Variants in PTPRD observed in about 807,000 individuals in gnomAD.
PTPRD encodes receptor-type tyrosine-protein phosphatase delta.
In PTPRD, 34 loss-of-function variants were observed where a neutral mutation model predicts 214.5. The ratio of observed to expected loss-of-function variants is 0.16; its 90% CI spans 0.12 to 0.21. PTPRD has a LOEUF of 0.21. Among genes scored for constraint, PTPRD ranks in the 10% least tolerant of loss-of-function variants. The pLI is 1.00. For synonymous variants in PTPRD, 1,128 were observed against 845.7 expected, an observed-to-expected ratio of 1.33 and a Z score of -5.79; for missense variants, 2,545 against 2,398.7, an observed-to-expected ratio of 1.06 and a Z score of -1.27.
intron 10 of PTPRD, among the ~76,000 whole-genome samples, chr9:9,030,893 C>A (rs1007223624): frequency 9.2e-5 from 14 of 151,840 alleles, no homozygotes; most frequent in Admixed American, 7.9e-4. Flanking sequence ...ACCTTAGATT[C>A]ATTCATATGG....
intron 2 of PTPRD, among the ~76,000 whole-genome samples, chr9:10,393,261 GA>G (rs1451305835): frequency 2.0e-5 from 3 of 151,594 alleles, no homozygotes; most frequent in Non-Finnish European, 4.4e-5. Context: ...TGTACTGACA[GA>G]AAAAGTAACA....
intron 35 of PTPRD, among the ~76,000 whole-genome samples, chr9:8,410,006 T>C (rs1024595587): frequency 2.5e-4 from 38 of 152,218 alleles, no homozygotes; most frequent in Non-Finnish European, 5.1e-4. Flanking sequence ...GGCTCTGAGA[T>C]ATTCTCAAGT....
In PTPRD at chr9:10,164,302, A is replaced by G. The variant is rs545522855; in HGVS notation, c.-544-130512T>C. Among the ~76,000 whole-genome samples, 52 of 151,546 alleles carry G rather than the reference A, an allele frequency of 3.4e-4. 1 individual carries two copies. Among genetic ancestry groups the G allele is most frequent in the Admixed American group, 3.4e-3 (52 of 15,192 alleles). On this transcript the variant is annotated intron_variant, in intron 3 of 45. Coordinates refer to ENST00000381196, the MANE Select transcript of PTPRD (RefSeq NM_002839.4). ...TAAGATTACACACTTTCAAAATACA[A>G]ATGACAACAATTTATTGAATCAATT...
At chr9:10,032,214 GGTTTCTTACTATAGCCATTTAATTTTCC>G (rs1243798411) in intron 4 of PTPRD, among the ~76,000 whole-genome samples, 2 of 152,072 alleles carry the variant, frequency 1.3e-5, no homozygotes, top group Non-Finnish European at 2.9e-5. Context: ...TGGGTTAAAT[GGTTTCTTACTATAGCCATTTAATTTTCC>G]CCTTTTCTCT....
intron 9 of PTPRD, among the ~76,000 whole-genome samples, chr9:9,213,882 C>G (rs1278753337): frequency 6.6e-6 from 1 of 152,018 alleles, no homozygotes; most frequent in Non-Finnish European, 1.5e-5. Flanking sequence ...TCTCCTTATC[C>G]CTTGTTCAGC....
At chr9:9,924,738 T>C (rs990261049) in intron 5 of PTPRD, among the ~76,000 whole-genome samples, 5 of 152,126 alleles carry the variant, frequency 3.3e-5, no homozygotes, top group African/African-American at 1.2e-4. Flanking sequence ...TCTCTAAAAA[T>C]AATTGCTTTA....
intron 12 of PTPRD, among the ~76,000 whole-genome samples, chr9:8,651,610 T>C (rs561415749): frequency 1.2e-4 from 19 of 152,292 alleles, no homozygotes; most frequent in African/African-American, 4.6e-4. Flanking sequence ...TATCAACATT[T>C]CCATGACAGC....
chr9:8,752,047 C>T (rs2093587858), intron 11 of PTPRD, among the ~76,000 whole-genome samples: 1 of 152,142 alleles, frequency 6.6e-6, no homozygotes, highest in South Asian at 2.1e-4. Context: ...TGGTCCCTTC[C>T]ACTTGCTGAC....
chr9:9,548,014 G>C (rs901323468), intron 8 of PTPRD, among the ~76,000 whole-genome samples: 1 of 151,936 alleles, frequency 6.6e-6, no homozygotes, highest in African/African-American at 2.4e-5. Context: ...AGAGTTGAAA[G>C]TGTAAAGAAA....
At chr9:10,070,513 C>T (rs2097984260) in intron 3 of PTPRD, among the ~76,000 whole-genome samples, 1 of 151,866 alleles carries the variant, frequency 6.6e-6, no homozygotes, top group African/African-American at 2.4e-5. Flanking sequence ...AATGCTGCAA[C>T]AGAAAGTAAC....
At chr9:8,377,947 T>G (rs1589070604) in intron 37 of PTPRD, among the ~76,000 whole-genome samples, 1 of 152,050 alleles carries the variant, frequency 6.6e-6, no homozygotes, top group East Asian at 1.9e-4. Flanking sequence ...CTATTGGCCC[T>G]TCTAAGAAAG....
At chr9:8,626,181 T>C (rs2096026042) in intron 14 of PTPRD, among the ~76,000 whole-genome samples, 1 of 151,892 alleles carries the variant, frequency 6.6e-6, no homozygotes, top group South Asian at 2.1e-4. Context: ...TTTTAAAAAC[T>C]GCTCAAATTT....
chr9:8,984,077 T>C (rs1342331081), intron 11 of PTPRD, among the ~76,000 whole-genome samples: 1 of 152,100 alleles, frequency 6.6e-6, no homozygotes, highest in African/African-American at 2.4e-5. Context: ...ATATAGAACA[T>C]CATTTAAAAA....
intron 2 of PTPRD, among the ~76,000 whole-genome samples, chr9:10,537,021 G>T (rs1372601906): frequency 1.3e-5 from 2 of 152,054 alleles, no homozygotes; most frequent in South Asian, 2.1e-4. Flanking sequence ...CCCATAATTG[G>T]GTTGGGCATT....
intron 4 of PTPRD, among the ~76,000 whole-genome samples, chr9:10,030,861 AC>A (rs905566379): frequency 6.6e-6 from 1 of 152,216 alleles, no homozygotes; most frequent in African/African-American, 2.4e-5. Flanking sequence ...TTCACAAGCA[AC>A]CTTGAACTTT....
At position 9,700,739 on chromosome 9, in the gene PTPRD, C is replaced by CT. The variant is rs372540282; in HGVS notation, c.-287+33793dup. On this transcript the variant is annotated intron_variant, in intron 7 of 45. Coordinates refer to ENST00000381196, the MANE Select transcript of PTPRD (RefSeq NM_002839.4). ...ACCATTATCATTATTATAAAATGGTCTTGTTTTCTGACCCTAACTAAGTTT... is the reference window on the plus strand; with the variant it reads ...ACCATTATCATTATTATAAAATGGTCTTTGTTTTCTGACCCTAACTAAGTTT... 6.6e-3 allele frequency among the ~76,000 whole-genome samples: 995 copies of CT among 151,872 alleles called. 10 individuals are homozygous for CT. The highest frequency in any genetic ancestry group is 0.022 in the African/African-American group (927 of 41,312).
intron 2 of PTPRD, among the ~76,000 whole-genome samples, chr9:10,385,208 A>G (rs2097893692): frequency 6.6e-6 from 1 of 151,814 alleles, no homozygotes; most frequent in East Asian, 1.9e-4. Context: ...TTTAATTTTT[A>G]AAGCTCTTTG....
At chr9:8,602,572 T>C (rs893819626) in intron 14 of PTPRD, among the ~76,000 whole-genome samples, 5 of 152,214 alleles carry the variant, frequency 3.3e-5, no homozygotes, top group Non-Finnish European at 7.3e-5. Flanking sequence ...GCAGCAGGAA[T>C]CAGCATGTTT....
chr9:9,412,087 G>T (rs1002186151), intron 8 of PTPRD, among the ~76,000 whole-genome samples: 1 of 152,116 alleles, frequency 6.6e-6, no homozygotes, highest in Non-Finnish European at 1.5e-5. Context: ...CGATTATACA[G>T]CCAAATTTTA....
Sources: allele counts gnomAD v4.1 joint callset (sites outside exome capture counted in the v4.1 genomes callset), GRCh38; gene constraint gnomAD v4.1.1; transcripts MANE v1.5; gene names NCBI Gene and HGNC (gene_info 2026-07-23, HGNC 2026-07-21).